The following SUGCT variants were observed in gnomAD, a reference collection of about 807,000 sequenced individuals.
SUGCT encodes succinyl-CoA:glutarate-CoA transferase.
Under a neutral mutation model 55.0 loss-of-function variants are expected in SUGCT, and 41 were observed. That is an observed-to-expected ratio of 0.74 (90% CI 0.58 to 0.97). The LOEUF (loss-of-function observed/expected upper bound fraction) is 0.97. Ranked by LOEUF, SUGCT falls within the 50% of genes least tolerant of loss-of-function variation. SUGCT has a pLI of 0.00. For synonymous variants in SUGCT, 187 were observed against 200.4 expected (o/e 0.93, Z 0.56); for missense variants, 568 against 547.8 (o/e 1.04, Z -0.37).
intron 7 of SUGCT, among the ~76,000 whole-genome samples, chr7:40,259,132 A>G (rs1791044730): frequency 1.3e-5 from 2 of 152,162 alleles, no homozygotes; most frequent in South Asian, 4.1e-4. Flanking sequence ...AGATGTAGAG[A>G]GTAGAATGGT....
rs869065628 is a variant in SUGCT at position 40,513,783 on chromosome 7, A to ATTTTTT, written c.1089+17415_1089+17420dup. ...GTGTGATCTTTAAGCTCAGGGAAGT[A>ATTTTTT]TTTTTTTTTTTTTTTTTTTTTTTGG... On this transcript the variant is annotated intron_variant, in intron 12 of 13. Transcript: ENST00000335693. Among the ~76,000 whole-genome samples, 123 of 103,974 alleles carry ATTTTTT rather than the reference A, an allele frequency of 1.2e-3. 3 individuals are homozygous for ATTTTTT. The highest frequency in any genetic ancestry group is 3.6e-3 in the African/African-American group (96 of 26,484). The allele number at this position is 103,974 out of a possible 152,430, so 68.2% of individuals were successfully genotyped here. A position where few individuals can be genotyped will look rare whatever the true frequency, so the allele number is the denominator to read the frequency against.
intron 12 of SUGCT, among the ~76,000 whole-genome samples, chr7:40,610,455 T>G (rs530937147): frequency 6.6e-6 from 1 of 152,340 alleles, no homozygotes; most frequent in Non-Finnish European, 1.5e-5. Flanking sequence ...TTTTGTGGTG[T>G]GTCTTTTATT....
At chr7:40,189,114 C>T (rs929357447) in intron 4 of SUGCT, among the ~76,000 whole-genome samples, 3 of 152,134 alleles carry the variant, frequency 2.0e-5, no homozygotes, top group African/African-American at 7.2e-5. Flanking sequence ...GTGGCTGAGG[C>T]GGGCGGATCA....
intron 12 of SUGCT, among the ~76,000 whole-genome samples, chr7:40,544,002 A>G (rs932107226): frequency 2.0e-5 from 3 of 152,188 alleles, no homozygotes; most frequent in African/African-American, 7.2e-5. Context: ...CAAAAATCAT[A>G]CTTGGTAAGG....
At chr7:40,983,219 T>G in the SUGCT span, among the ~76,000 whole-genome samples, 1 of 152,170 alleles carries the variant, frequency 6.6e-6, no homozygotes, top group Non-Finnish European at 1.5e-5. Context: ...TCAGGGCAGT[T>G]TTCTACGATG....
the SUGCT span, among the ~76,000 whole-genome samples, chr7:40,868,591 G>T: frequency 1.3e-4 from 20 of 152,260 alleles, no homozygotes; most frequent in Admixed American, 3.3e-4. Flanking sequence ...CTGTCATCCA[G>T]GCTGGAGTGC....
intron 12 of SUGCT, among the ~76,000 whole-genome samples, chr7:40,503,802 T>C (rs899910129): frequency 1.3e-5 from 2 of 152,164 alleles, no homozygotes; most frequent in African/African-American, 2.4e-5. Flanking sequence ...ATCGATAAAT[T>C]TGGTTAGTAA....
chr7:40,724,415 A>C (rs1015670753), intron 12 of SUGCT, among the ~76,000 whole-genome samples: 1 of 120,530 alleles, frequency 8.3e-6, no homozygotes, highest in African/African-American at 5.3e-5. Context: ...AATACAAAAA[A>C]TTAACGGCGT....
intron 12 of SUGCT, among the ~76,000 whole-genome samples, chr7:40,605,622 C>T (rs1798490712): frequency 6.6e-6 from 1 of 152,094 alleles, no homozygotes; most frequent in Non-Finnish European, 1.5e-5. Flanking sequence ...AGAATACCTA[C>T]AATCTTGAGA....
chr7:40,290,454 G>A (rs568239669), intron 8 of SUGCT, among the ~76,000 whole-genome samples: 203 of 152,294 alleles, frequency 1.3e-3, no homozygotes, highest in Non-Finnish European at 2.1e-3. Context: ...CTAGCCATAT[G>A]TAGAAAGCTG....
At chr7:40,517,944 A>G (rs1277782593) in intron 12 of SUGCT, among the ~76,000 whole-genome samples, 2 of 152,144 alleles carry the variant, frequency 1.3e-5, no homozygotes, top group African/African-American at 4.8e-5. Flanking sequence ...TCTGAAAGGA[A>G]AAACTATGGA....
intron 1 of SUGCT, among the ~76,000 whole-genome samples, chr7:40,151,288 C>T (rs1417786140): frequency 1.3e-5 from 2 of 152,106 alleles, no homozygotes; most frequent in Non-Finnish European, 2.9e-5. Flanking sequence ...TCTTGGATTA[C>T]CTAGAGTTAG....
At chr7:41,013,345 C>T in the SUGCT span, among the ~76,000 whole-genome samples, 1 of 152,068 alleles carries the variant, frequency 6.6e-6, no homozygotes, top group African/African-American at 2.4e-5. Flanking sequence ...ATTTCAGTTC[C>T]TTCTCTTGGG....
At chr7:40,254,896 G>A (rs958205832) in intron 7 of SUGCT, among the ~76,000 whole-genome samples, 1 of 151,556 alleles carries the variant, frequency 6.6e-6, no homozygotes, top group Non-Finnish European at 1.5e-5. Context: ...TAAAATATTT[G>A]CTTTAAAGTT....
the SUGCT span, among the ~76,000 whole-genome samples, chr7:40,948,460 GA>G: frequency 6.6e-6 from 1 of 151,772 alleles, no homozygotes; most frequent in East Asian, 1.9e-4. Context: ...TGATGATGAT[GA>G]TGATGATGAT....
the SUGCT span, among the ~76,000 whole-genome samples, chr7:40,906,287 A>G: frequency 6.6e-6 from 1 of 152,142 alleles, no homozygotes; most frequent in Non-Finnish European, 1.5e-5. Flanking sequence ...GTACTCTGAA[A>G]CTTTCTTTCC....
At chr7:40,444,677 A>T (rs1431455736) in intron 9 of SUGCT, among the ~76,000 whole-genome samples, 1 of 152,142 alleles carries the variant, frequency 6.6e-6, no homozygotes, top group Admixed American at 6.6e-5. Context: ...AAACAGGGAC[A>T]ATTTGACTTC....
At chr7:40,693,627 C>T (rs1192594234) in intron 12 of SUGCT, among the ~76,000 whole-genome samples, 1 of 152,126 alleles carries the variant, frequency 6.6e-6, no homozygotes, top group African/African-American at 2.4e-5. Context: ...CATGAATCAC[C>T]TGGACATATT....
chr7:40,748,691 C>T (rs1787862341), intron 12 of SUGCT, among the ~76,000 whole-genome samples: 1 of 151,644 alleles, frequency 6.6e-6, no homozygotes, highest in African/African-American at 2.4e-5. Context: ...TTTAAATTTC[C>T]TGCCTCACCA....
Sources: allele counts gnomAD v4.1 joint callset (sites outside exome capture counted in the v4.1 genomes callset), GRCh38; gene constraint gnomAD v4.1.1; transcripts MANE v1.5; gene names NCBI Gene and HGNC (gene_info 2026-07-23, HGNC 2026-07-21).